The following VPS13C variants were observed in gnomAD, a reference collection of about 807,000 sequenced individuals.
VPS13C encodes vacuolar protein sorting 13 homolog C, also known as intermembrane lipid transfer protein VPS13C.
Under a neutral mutation model 456.8 loss-of-function variants are expected in VPS13C, and 358 were observed. The observed-to-expected ratio is 0.78, with a 90% CI of 0.72 to 0.86. The LOEUF (loss-of-function observed/expected upper bound fraction) is 0.86. Among genes scored for constraint, VPS13C ranks in the 40% least tolerant of loss-of-function variants. The pLI is 0.00. For missense variants in VPS13C, 4,818 were observed against 4,385.4 expected, an observed-to-expected ratio of 1.10 and a Z score of -2.79; for synonymous variants, 1,578 against 1,486.7, an observed-to-expected ratio of 1.06 and a Z score of -1.41.
chr15:62,012,911 T>C, intron 11 of VPS13C, 128 bp downstream of exon 11: 1 of 539,876 alleles, frequency 1.9e-6, no homozygotes, highest in Admixed American at 3.8e-5. Flanking sequence ...ATGTTTTTCA[T>C]ATTTCTGATT....
intron 40 of VPS13C, 145 bp from the exon 41 acceptor site, chr15:61,950,562 AAAAAAC>A: frequency 1.5e-6 from 1 of 689,596 alleles, no homozygotes; most frequent in Non-Finnish European, 2.4e-6. Context: ...ATTCAAAAAA[AAAAAAC>A]AAAAACAAAC....
At chr15:62,055,530 G>A (rs914614308) in intron 1 of VPS13C, among the ~76,000 whole-genome samples, 6 of 151,360 alleles carry the variant, frequency 4.0e-5, no homozygotes, top group Non-Finnish European at 7.4e-5. Flanking sequence ...TGTGAGCCAC[G>A]GTGCCTGGCC....
intron 16 of VPS13C, among the ~76,000 whole-genome samples, chr15:62,000,361 T>C (rs1011568292): frequency 1.1e-4 from 17 of 151,900 alleles, no homozygotes; most frequent in African/African-American, 4.1e-4. Flanking sequence ...CAAGACTCCA[T>C]CTCAAAAAAA....
In VPS13C at chr15:61,881,626, T is replaced by A. The variant is rs1357690333; in HGVS notation, c.9713A>T (p.Lys3238Met). 1 of 1,612,710 alleles carries A rather than the reference T, an allele frequency of 6.2e-7. No homozygotes were observed. The highest frequency in any genetic ancestry group is 8.5e-7 in the Non-Finnish European group (1 of 1,179,284). The change falls in exon 71 of 85, where the codon AAG becomes ATG. Residue 3238 changes from lysine to methionine, a missense_variant. Physicochemically the swap from Lys to Met is moderately conservative, Grantham distance 95 (BLOSUM62 -1). Transcript: ENST00000644861. ...PKSIALDSEP[K>M]PFIDVSVITR... ...GATGACACTCACATCAATGAAAGGC[T>A]TGGGCTCTAAGAGGAAGAAGTAACA...
At chr15:61,905,186 C>A (rs940368451) in intron 66 of VPS13C, among the ~76,000 whole-genome samples, 2 of 152,158 alleles carry the variant, frequency 1.3e-5, no homozygotes, top group Non-Finnish European at 2.9e-5. Context: ...ATTACTCCAA[C>A]TTGATTATTG....
At chr15:62,003,478 G>A (rs2140472996) in intron 15 of VPS13C, among the ~76,000 whole-genome samples, 1 of 152,178 alleles carries the variant, frequency 6.6e-6, no homozygotes. Flanking sequence ...GGGACAATTT[G>A]ACTTCCTCTT....
chr15:61,925,431 C>A, intron 53 of VPS13C, 25 bp downstream of exon 53: 2 of 1,385,478 alleles, frequency 1.4e-6, no homozygotes, highest in Non-Finnish European at 1.9e-6. Context: ...AGAATTTTCA[C>A]TCAAAGAATA....
In VPS13C at chr15:61,911,999, A is replaced by T; in HGVS notation, c.8556T>A (p.Gly2852=). ...TGAAACTGCTCATTTTGATGCTAAC[A>T]CCAACCTGTGGAAAGGAAAAAAGCT... ...CPANNMEYLV[G]VSIKMSSFNL... Residue 2852 remains glycine, a synonymous_variant, in exon 63 of 85, where the codon GGT becomes GGA. Coordinates refer to ENST00000644861, the MANE Select transcript of VPS13C (RefSeq NM_020821.3). 2 of 1,590,102 alleles carry T rather than the reference A, an allele frequency of 1.3e-6. No individual in the cohort carries two copies. The highest frequency in any genetic ancestry group is 2.7e-5 in the African/African-American group (2 of 74,552).
intron 61 of VPS13C, 147 bp from the exon 62 acceptor site, chr15:61,913,562 C>A: frequency 1.6e-6 from 1 of 614,560 alleles, no homozygotes; most frequent in Non-Finnish European, 2.7e-6. Flanking sequence ...AAACAGGTAA[C>A]AGAACCACAA....
At chr15:61,920,471 AAT>A in intron 56 of VPS13C, 25 bp downstream of exon 56, 1 of 1,506,582 alleles carries the variant, frequency 6.6e-7, no homozygotes, top group Non-Finnish European at 8.9e-7. Context: ...TTCCACTTGA[AAT>A]ATTCTAAGCA....
intron 3 of VPS13C, among the ~76,000 whole-genome samples, chr15:62,038,301 C>T (rs2048129610): frequency 6.6e-6 from 1 of 152,054 alleles, no homozygotes; most frequent in Admixed American, 6.6e-5. Context: ...AACTAAGAAG[C>T]TTCTAGGCCA....
chr15:62,033,551 A>T lies in VPS13C; in HGVS notation c.284-9T>A, dbSNP rs751267229. The T allele has an allele frequency of 2.6e-5, 40 of 1,533,710 alleles. No individual in the cohort carries two copies. In the Admixed American group the frequency reaches 4.9e-4, roughly 19 times the overall value. ...AGCATCATACTTAATACCTAAAAATATACAGTCAATTCACACAAAAATAAA... is the reference window on the plus strand; with the variant it reads ...AGCATCATACTTAATACCTAAAAATTTACAGTCAATTCACACAAAAATAAA... On this transcript the variant is annotated splice_polypyrimidine_tract_variant and intron_variant, in intron 4 of 84. Coordinates refer to ENST00000644861, the MANE Select transcript of VPS13C (RefSeq NM_020821.3).
At chr15:62,005,585 G>A (rs1237094878) in intron 15 of VPS13C, among the ~76,000 whole-genome samples, 2 of 151,236 alleles carry the variant, frequency 1.3e-5, no homozygotes, top group African/African-American at 2.4e-5. Context: ...GATTTTGCTC[G>A]TTAGTTGATG....
chr15:61,955,849 AG>A (rs2044976035), intron 37 of VPS13C, among the ~76,000 whole-genome samples: 1 of 152,188 alleles, frequency 6.6e-6, no homozygotes, highest in Non-Finnish European at 1.5e-5. Context: ...TGTAGAAAAA[AG>A]GGAATACTTA....
At chr15:61,944,049 C>G (rs1488729255) in intron 45 of VPS13C, among the ~76,000 whole-genome samples, 2 of 152,090 alleles carry the variant, frequency 1.3e-5, no homozygotes, top group Non-Finnish European at 2.9e-5. Context: ...TGTTCCACAT[C>G]ACTAACAATT....
Position 61,867,685 on chromosome 15 carries a change from G to C in VPS13C, c.10863+974C>G. Reference sequence around the variant, plus strand: ...GCTTTCATCTATTAAACGCAGAAGAGAGCTGATTCTCTGCATCCTTTAATA... The same window carrying C: ...GCTTTCATCTATTAAACGCAGAAGACAGCTGATTCTCTGCATCCTTTAATA... On this transcript the variant is annotated intron_variant, in intron 81 of 84. Transcript: ENST00000644861. The surrounding 1 kb of genome is among the most constrained non-coding windows in gnomAD (Gnocchi z 5.0). 1 of 1,314,836 alleles carries C rather than the reference G, an allele frequency of 7.6e-7. No homozygotes were observed. Among genetic ancestry groups the C allele is most frequent in the Non-Finnish European group, 9.7e-7 (1 of 1,031,826 alleles). The allele number at this position is 1,314,836 out of a possible 1,614,324, so 81.4% of individuals were successfully genotyped here.
chr15:61,900,850 C>A (rs1451629064), intron 66 of VPS13C, among the ~76,000 whole-genome samples: 1 of 151,738 alleles, frequency 6.6e-6, no homozygotes, highest in Non-Finnish European at 1.5e-5. Context: ...CACTGCCTGA[C>A]TTCAAACTAT....
intron 31 of VPS13C, among the ~76,000 whole-genome samples, chr15:61,964,419 CGG>C (rs1486830753): frequency 6.6e-6 from 1 of 151,910 alleles, no homozygotes; most frequent in Admixed American, 6.6e-5. Flanking sequence ...AGCCACTGAG[CGG>C]GGAGGAAGAG....
At chr15:61,876,145 A>AGGTCAGGCTGGGTGTGGTG (rs1895407975) in intron 75 of VPS13C, among the ~76,000 whole-genome samples, 1 of 152,004 alleles carries the variant, frequency 6.6e-6, no homozygotes, top group Non-Finnish European at 1.5e-5. Context: ...ATAAAATGGA[A>AGGTCAGGCTGGGTGTGGTG]GGTCAGGCTG....
Sources: allele counts gnomAD v4.1 joint callset (sites outside exome capture counted in the v4.1 genomes callset), GRCh38; gene constraint gnomAD v4.1.1; non-coding constraint Gnocchi (gnomAD v3.1); transcripts MANE v1.5; gene names NCBI Gene and HGNC (gene_info 2026-07-23, HGNC 2026-07-21).